Variants in MCOLN2 observed in about 807,000 individuals in gnomAD.
MCOLN2 encodes mucolipin-2.
In MCOLN2, 57 loss-of-function variants were observed where a neutral mutation model predicts 67.5. That is an observed-to-expected ratio of 0.84 (90% CI 0.68 to 1.05). The LOEUF (loss-of-function observed/expected upper bound fraction) is 1.05. MCOLN2 is among the 50% of genes least tolerant of loss of function. The probability of loss-of-function intolerance (pLI) is 0.00; values close to 1 mark genes in which losing one functional copy is unlikely to be tolerated. For missense variants in MCOLN2, 620 were observed against 678.8 expected (o/e 0.91, Z 0.96); for synonymous variants, 246 against 233.3 (o/e 1.05, Z -0.50).
intron 3 of MCOLN2, among the ~76,000 whole-genome samples, chr1:84,957,258 C>T (rs1210506830): frequency 6.6e-6 from 1 of 152,184 alleles, no homozygotes; most frequent in African/African-American, 2.4e-5. Context: ...CTACTGAGGA[C>T]ATGAGCCATC....
At position 84,996,936 on chromosome 1, in the gene MCOLN2, G is replaced by T. The variant is rs879467894; in HGVS notation, c.-64C>A. The T allele has an allele frequency of 2.1e-6, 3 of 1,435,670 alleles. No homozygotes were observed. The highest frequency in any genetic ancestry group is 3.4e-5 in the Admixed American group (2 of 58,496). The allele number at this position is 1,435,670 out of a possible 1,614,324, so 88.9% of individuals were successfully genotyped here. ...GGAACAGGAAACACCGTTCACGGCC[G>T]ACTCATTTCGCCCTCGCCGTAACGC... On this transcript the variant is annotated 5_prime_UTR_variant, in exon 1 of 14. Coordinates refer to ENST00000370608, the MANE Select transcript of MCOLN2 (RefSeq NM_153259.4).
At chr1:84,933,276 C>A (rs888714504) in intron 11 of MCOLN2, among the ~76,000 whole-genome samples, 1 of 152,142 alleles carries the variant, frequency 6.6e-6, no homozygotes. Flanking sequence ...CTTCCCTGTA[C>A]TCCAACTAGA....
At chr1:84,947,921 A>G (rs1648203303) in intron 6 of MCOLN2, among the ~76,000 whole-genome samples, 2 of 152,220 alleles carry the variant, frequency 1.3e-5, no homozygotes, top group South Asian at 4.1e-4. Context: ...ATCTGAATCC[A>G]TGCAGCACCC....
chr1:84,950,670 C>A (rs1648374081), intron 6 of MCOLN2, among the ~76,000 whole-genome samples: 1 of 151,988 alleles, frequency 6.6e-6, no homozygotes, highest in East Asian at 1.9e-4. Flanking sequence ...TTAAGAAAAC[C>A]AAAAAGTTCA....
At chr1:84,928,506 G>A (rs1374820672) in intron 13 of MCOLN2, among the ~76,000 whole-genome samples, 2 of 152,116 alleles carry the variant, frequency 1.3e-5, no homozygotes, top group East Asian at 1.9e-4. Context: ...AAGACCTATC[G>A]TTTACTTTTT....
intron 1 of MCOLN2, among the ~76,000 whole-genome samples, chr1:84,971,147 A>G (rs1190494259): frequency 6.6e-6 from 1 of 152,218 alleles, no homozygotes; most frequent in African/African-American, 2.4e-5. Flanking sequence ...TGAAAAAACT[A>G]GCAGGAAAAA....
At chr1:84,985,477 T>G (rs983616155) in intron 1 of MCOLN2, among the ~76,000 whole-genome samples, 8 of 152,190 alleles carry the variant, frequency 5.3e-5, no homozygotes, top group Non-Finnish European at 1.0e-4. Context: ...GTTTCCATAT[T>G]TGCATCTCCA....
chr1:84,935,575 T>G (rs1157907046), intron 11 of MCOLN2, among the ~76,000 whole-genome samples: 1 of 152,238 alleles, frequency 6.6e-6, no homozygotes, highest in Non-Finnish European at 1.5e-5. Context: ...ATGTAAAATA[T>G]TTCAATATTT....
intron 7 of MCOLN2, among the ~76,000 whole-genome samples, chr1:84,941,396 C>T (rs1281493397): frequency 6.6e-6 from 1 of 152,170 alleles, no homozygotes; most frequent in African/African-American, 2.4e-5. Context: ...ACTTGGGAGG[C>T]TGAGGCAGAA....
intron 12 of MCOLN2, among the ~76,000 whole-genome samples, chr1:84,930,973 AGT>A (rs572313383): frequency 1.2e-3 from 187 of 152,302 alleles, no homozygotes; most frequent in African/African-American, 4.4e-3. Context: ...TGTATTATCC[AGT>A]GTGAGTTGTA....
intron 5 of MCOLN2, 46 bp downstream of exon 5, chr1:84,952,400 C>T: frequency 6.4e-7 from 1 of 1,563,908 alleles, no homozygotes; most frequent in Non-Finnish European, 8.8e-7. Context: ...TATTCTCCTT[C>T]TCCCACCCTC....
chr1:84,980,688 A>C (rs948426310), intron 1 of MCOLN2, among the ~76,000 whole-genome samples: 1 of 152,190 alleles, frequency 6.6e-6, no homozygotes, highest in African/African-American at 2.4e-5. Flanking sequence ...AAATGGATTA[A>C]AGACTTTAAG....
chr1:84,982,779 T>G (rs1650321156), intron 1 of MCOLN2, among the ~76,000 whole-genome samples: 1 of 152,204 alleles, frequency 6.6e-6, no homozygotes, highest in African/African-American at 2.4e-5. Flanking sequence ...CTTGACTCAC[T>G]GCAACCTCCA....
intron 13 of MCOLN2, 104 bp from the exon 14 acceptor site, chr1:84,926,825 T>G (rs1178012904): frequency 1.3e-6 from 1 of 755,618 alleles, no homozygotes; most frequent in Non-Finnish European, 1.9e-6. Context: ...ATTATAGACA[T>G]GTTGAGTGAA....
chr1:84,950,584 T>C (rs948184331), intron 6 of MCOLN2, among the ~76,000 whole-genome samples: 6 of 152,242 alleles, frequency 3.9e-5, no homozygotes, highest in Non-Finnish European at 5.9e-5. Context: ...TTCTACCTTA[T>C]GAAATTTAAA....
At chr1:84,957,339 C>T (rs565359024) in intron 3 of MCOLN2, among the ~76,000 whole-genome samples, 6 of 152,260 alleles carry the variant, frequency 3.9e-5, no homozygotes, top group South Asian at 2.1e-4. Context: ...ATTAACATGG[C>T]TTTACTGTTG....
At chr1:84,962,154 G>A (rs1649120567) in intron 2 of MCOLN2, among the ~76,000 whole-genome samples, 1 of 152,190 alleles carries the variant, frequency 6.6e-6, no homozygotes, top group Admixed American at 6.5e-5. Context: ...ATCCTATATG[G>A]AAACAAAAGT....
At chr1:84,984,518 T>A (rs1320578908) in intron 1 of MCOLN2, among the ~76,000 whole-genome samples, 4 of 152,250 alleles carry the variant, frequency 2.6e-5, no homozygotes, top group Non-Finnish European at 5.9e-5. Context: ...GGATCCCATG[T>A]CTGCTTCTTT....
At chr1:84,940,734 C>T in intron 8 of MCOLN2, 145 bp downstream of exon 8, 1 of 589,420 alleles carries the variant, frequency 1.7e-6, no homozygotes, top group Non-Finnish European at 3.0e-6. Flanking sequence ...CTGATGAATG[C>T]CTCATAGCGG....
Sources: allele counts gnomAD v4.1 joint callset (sites outside exome capture counted in the v4.1 genomes callset), GRCh38; gene constraint gnomAD v4.1.1; transcripts MANE v1.5; gene names NCBI Gene and HGNC (gene_info 2026-07-23, HGNC 2026-07-21).